Variants in NBPF11 observed in about 807,000 individuals in gnomAD.
NBPF11 encodes NBPF family member NBPF11.
NBPF11 carries 72 observed loss-of-function variants against 93.9 expected under a neutral mutation model. The observed-to-expected ratio is 0.77, with a 90% CI of 0.63 to 0.93. The LOEUF is 0.93. Ranked by LOEUF, NBPF11 falls within the 40% of genes least tolerant of loss-of-function variation. The probability of loss-of-function intolerance (pLI) is 0.00; values close to 1 mark genes in which losing one functional copy is unlikely to be tolerated. For missense variants in NBPF11, 705 were observed against 802.2 expected (o/e 0.88, Z 1.46); for synonymous variants, 224 against 304.9 (o/e 0.73, Z 2.76).
Position 148,126,917 on chromosome 1 carries a change from T to C in NBPF11, c.87A>G (p.Ala29=), listed in dbSNP as rs1199270346. Residue 29 remains alanine (A), a synonymous_variant, in exon 5 of 24, where the codon GCA becomes GCG. Coordinates refer to ENST00000682118, the MANE Select transcript of NBPF11 (RefSeq NM_001385469.3). ...EINEKLRPQL[A]ENKQQFRNLK... is the part of the protein sequence containing the mutation. ...GGTTTCTGAACTGCTGTTTGTTCTCTGCCAACTGGGGGCGCAATTTCTCGT... is the reference window on the plus strand; with the variant it reads ...GGTTTCTGAACTGCTGTTTGTTCTCCGCCAACTGGGGGCGCAATTTCTCGT... 23 of 1,279,572 alleles carry C rather than the reference T, an allele frequency of 1.8e-5. No individual in the cohort carries two copies. The highest frequency in any genetic ancestry group is 2.3e-5 in the Non-Finnish European group (21 of 897,672). 79.3% of individuals were successfully genotyped at this position (1,279,572 alleles called of 1,614,324 possible).
intron 2 of NBPF11, among the ~76,000 whole-genome samples, chr1:148,138,208 C>T (rs1450801604): frequency 1.3e-5 from 2 of 150,878 alleles, no homozygotes; most frequent in Non-Finnish European, 2.9e-5. Context: ...GCCAGCATGT[C>T]CCACCTCCAG....
At chr1:148,147,598 C>G (rs1271203903) in intron 1 of NBPF11, among the ~76,000 whole-genome samples, 3 of 152,034 alleles carry the variant, frequency 2.0e-5, no homozygotes, top group African/African-American at 7.3e-5. Flanking sequence ...TCCACTGGGC[C>G]TGTCTCGTCC....
At chr1:148,109,227 A>T (rs1482276465) in intron 17 of NBPF11, 57 bp downstream of exon 17, 2 of 936,180 alleles carry the variant, frequency 2.1e-6, no homozygotes, top group East Asian at 4.8e-5. Context: ...TTTTCCCTGG[A>T]CTTGGCATCT....
chr1:148,146,509 C>T (rs1673107510), intron 1 of NBPF11: 1 of 1,603,378 alleles, frequency 6.2e-7, no homozygotes, highest in African/African-American at 1.3e-5. Flanking sequence ...CTCCCTGGTG[C>T]CTGAGCCCGA....
rs1403434848 is a variant in NBPF11 at position 148,120,695 on chromosome 1, G to T, written c.794C>A (p.Ser265Tyr). The change falls in exon 10 of 24, where the codon TCT becomes TAT. Residue 265 changes from serine (S) to tyrosine (Y), a missense_variant. Physicochemically the swap from Ser to Tyr is moderately radical, Grantham distance 144. Transcript: ENST00000682118. ...CACCATGCTGACGTTTGTGGCAGAA[G>T]AGGTGGGGCCAGGGACTGGGGAGAA... ...LNILPVPGPT[S>Y]SATNVSMVVS... 1 of 1,523,400 alleles carries T rather than the reference G, an allele frequency of 6.6e-7. No homozygotes were observed. The highest frequency in any genetic ancestry group is 1.4e-5 in the African/African-American group (1 of 72,812). The allele number at this position is 1,523,400 out of a possible 1,614,324, so 94.4% of individuals were successfully genotyped here.
At chr1:148,108,282 A>G (rs1415412019) in intron 18 of NBPF11, among the ~76,000 whole-genome samples, 200 bp downstream of exon 18, 2 of 151,820 alleles carry the variant, frequency 1.3e-5, no homozygotes, top group Non-Finnish European at 2.9e-5. Context: ...GCCTGAGACT[A>G]GGAAGAGAGC....
intron 4 of NBPF11, among the ~76,000 whole-genome samples, chr1:148,134,176 G>A (rs1396475443): frequency 2.0e-5 from 3 of 151,512 alleles, no homozygotes; most frequent in Non-Finnish European, 4.4e-5. Flanking sequence ...CCTTGGTGAG[G>A]AGAATGCCTC....
At chr1:148,119,979 A>T (rs1445447446) in intron 10 of NBPF11, among the ~76,000 whole-genome samples, 1 of 152,078 alleles carries the variant, frequency 6.6e-6, no homozygotes, top group African/African-American at 2.4e-5. Context: ...TGATGCTGTC[A>T]CTTATAGATA....
In NBPF11 at chr1:148,105,519, C is replaced by G; in HGVS notation, c.2313G>C (p.Arg771Ser). ...CAGGCTCTACTACCTCCAGCAGCTC[C>G]CTGCTGAGCCTGGAAAAGGAGGAAA... ...DQGPPCPRLS[R>S]ELLEVVEPEV... Residue 771 changes from arginine to serine, a missense_variant, in exon 22 of 24, where the codon AGG becomes AGC. Physicochemically the swap from Arg to Ser is moderately radical, Grantham distance 110. Transcript: ENST00000682118. The G allele has an allele frequency of 2.3e-6, 2 of 877,264 alleles. No homozygotes were observed. The highest frequency in any genetic ancestry group is 3.7e-6 in the Non-Finnish European group (2 of 545,114). 54.3% of individuals were successfully genotyped at this position (877,264 alleles called of 1,614,324 possible). A position where few individuals can be genotyped will look rare whatever the true frequency, so the allele number is the denominator to read the frequency against.
intron 15 of NBPF11, among the ~76,000 whole-genome samples, chr1:148,113,250 G>A (rs1411579368): frequency 6.6e-6 from 1 of 151,872 alleles, no homozygotes; most frequent in Non-Finnish European, 1.5e-5. Flanking sequence ...ACACACATAG[G>A]CTCAAAATAA....
intron 4 of NBPF11, among the ~76,000 whole-genome samples, chr1:148,132,558 T>A (rs1263972683): frequency 1.3e-5 from 2 of 149,694 alleles, no homozygotes; most frequent in African/African-American, 4.9e-5. Flanking sequence ...TAGAATTGCA[T>A]TGGATCTGGA....
At chr1:148,147,404 C>A (rs1480170284) in intron 1 of NBPF11, among the ~76,000 whole-genome samples, 4 of 152,050 alleles carry the variant, frequency 2.6e-5, no homozygotes, top group Non-Finnish European at 5.9e-5. Flanking sequence ...GGGTAAGGTG[C>A]AGACCCGCAG....
chr1:148,120,514 C>T lies in NBPF11; in HGVS notation c.975G>A (p.Gln325=), dbSNP rs1667578544. ...TATAGATCTTACTGTATTTGTTCTG[C>T]TGCTTGGCCAGGAAGCAGGCCACTT... ...VTQVACFLAK[Q]QNKYKYEECK... is the part of the protein sequence containing the mutation. Residue 325 remains glutamine, a synonymous_variant, in exon 10 of 24, where the codon CAG becomes CAA. Coordinates refer to ENST00000682118, the MANE Select transcript of NBPF11 (RefSeq NM_001385469.3). The T allele has an allele frequency of 3.3e-6, 3 of 914,776 alleles. No homozygotes were observed. The highest frequency in any genetic ancestry group is 4.8e-5 in the East Asian group (2 of 41,892). 56.7% of individuals were successfully genotyped at this position (914,776 alleles called of 1,614,324 possible). A position where few individuals can be genotyped will look rare whatever the true frequency, so the allele number is the denominator to read the frequency against.
At chr1:148,135,878 T>A in intron 3 of NBPF11, 65 bp from the exon 4 acceptor site, 1 of 889,672 alleles carries the variant, frequency 1.1e-6, no homozygotes, top group African/African-American at 1.7e-5. Flanking sequence ...AATGAGACAC[T>A]TTCTTACCAT....
chr1:148,129,266 G>A (rs1211761274), intron 4 of NBPF11, among the ~76,000 whole-genome samples: 78 of 145,728 alleles, frequency 5.4e-4, no homozygotes, highest in Non-Finnish European at 1.0e-3. Flanking sequence ...TATATAATAC[G>A]TGTATATACA....
At chr1:148,120,216 G>A (rs1287192309) in intron 10 of NBPF11, among the ~76,000 whole-genome samples, 4 of 152,030 alleles carry the variant, frequency 2.6e-5, no homozygotes, top group African/African-American at 4.8e-5. Context: ...TTGAAAACAC[G>A]ATTGAGCCTC....
rs1322967972 is a variant in NBPF11, at chr1:148,103,713, T to A, written c.*183A>T. 32 of 1,611,266 alleles carry A rather than the reference T, an allele frequency of 2.0e-5. No individual in the cohort carries two copies. Among genetic ancestry groups the A allele is most frequent in the Non-Finnish European group, 2.7e-5 (32 of 1,179,356 alleles). ...CCCATCTGGAAGACCAGGTGGAGAC[T>A]TCTCACCGTCAAAGTAAAAAACCTA... is the stretch of plus-strand genomic sequence containing the variant. On this transcript the variant is annotated 3_prime_UTR_variant, in exon 24 of 24. Coordinates refer to ENST00000682118, the MANE Select transcript of NBPF11 (RefSeq NM_001385469.3).
chr1:148,121,447 ATGCCATTCTCC>A (rs1667831075), intron 9 of NBPF11, among the ~76,000 whole-genome samples: 1 of 148,052 alleles, frequency 6.8e-6, no homozygotes, highest in Non-Finnish European at 1.5e-5. Context: ...TCCTGGGTTC[ATGCCATTCTCC>A]TGCCTCAGCC....
Position 148,132,212 on chromosome 1 carries a change from T to C in NBPF11, c.-36+3460A>G, listed in dbSNP as rs1180870987. On this transcript the variant is annotated intron_variant, in intron 4 of 23. Transcript: ENST00000682118. The stretch of plus-strand genomic sequence containing the variant: ...TCAAAACGGTGAATATATATATATA[T>C]ATACACACACACACACACACACATG... Among the ~76,000 whole-genome samples the C allele has an allele frequency of 4.5e-3, 390 of 85,952 alleles. 2 individuals are homozygous for C. The highest frequency in any genetic ancestry group is 0.016 in the African/African-American group (370 of 23,282). The allele number at this position is 85,952 out of a possible 152,430, so 56.4% of individuals were successfully genotyped here.
Sources: allele counts gnomAD v4.1 joint callset (sites outside exome capture counted in the v4.1 genomes callset), GRCh38; gene constraint gnomAD v4.1.1; transcripts MANE v1.5; gene names NCBI Gene and HGNC (gene_info 2026-07-23, HGNC 2026-07-21).